Variants in AKR1B15 observed in about 807,000 individuals in gnomAD.
AKR1B15 encodes the protein estradiol 17-beta-dehydrogenase AKR1B15.
A neutral mutation model predicts 38.5 loss-of-function variants in AKR1B15; 49 were observed. The ratio of observed to expected loss-of-function variants is 1.27; its 90% CI spans 1.01 to 1.62. The LOEUF (loss-of-function observed/expected upper bound fraction) is 1.62, where lower values mean the gene tolerates loss of function less well. Among genes scored for constraint, AKR1B15 ranks in the 40% most tolerant of loss-of-function variants. The probability of loss-of-function intolerance (pLI) is 0.00; values close to 1 mark genes in which losing one functional copy is unlikely to be tolerated. For synonymous variants in AKR1B15, 137 were observed against 135.5 expected (o/e 1.01, Z -0.08); for missense variants, 411 against 381.6 (o/e 1.08, Z -0.64).
chr7:134,551,639 C>A (rs1793981237), intron 1 of AKR1B15, among the ~76,000 whole-genome samples: 2 of 152,080 alleles, frequency 1.3e-5, no homozygotes, highest in Non-Finnish European at 2.9e-5. Flanking sequence ...GGGCTGCAGA[C>A]AAAGCATCAA....
rs137990610 is a variant in AKR1B15 at position 134,576,417 on chromosome 7, A to G, written c.812A>G (p.Lys271Arg). The change falls in exon 9 of 12, where the codon AAA becomes AGA. Residue 271 changes from lysine to arginine, a missense_variant. By Grantham distance (26) the Lys-to-Arg change is conservative. Transcript: ENST00000457545. ...KIKEIAAKHK[K>R]TTAQVLIRFH... Reference sequence around the variant, plus strand: ...AAGGAGATTGCTGCAAAGCACAAAAAAACCACAGCCCAGGTACCATATTTT... The same window carrying G: ...AAGGAGATTGCTGCAAAGCACAAAAGAACCACAGCCCAGGTACCATATTTT... 4 of 1,614,136 alleles carry G rather than the reference A, an allele frequency of 2.5e-6. No individual in the cohort carries two copies. The highest frequency in any genetic ancestry group is 2.2e-5 in the East Asian group (1 of 44,846).
chr7:134,575,630 C>A, intron 7 of AKR1B15, 88 bp downstream of exon 7: 1 of 1,587,022 alleles, frequency 6.3e-7, no homozygotes, highest in Non-Finnish European at 8.6e-7. Context: ...TGCCCTGAGT[C>A]TTATCTCAGG....
intron 1 of AKR1B15, among the ~76,000 whole-genome samples, chr7:134,555,534 G>GTTTCCACCTGTTATGTCCTCT (rs1337562961): frequency 3.9e-5 from 6 of 152,178 alleles, no homozygotes; most frequent in Admixed American, 3.9e-4. Flanking sequence ...TCTTCTGTCT[G>GTTTCCACCTGTTATGTCCTCT]TTTCCACCTG....
chr7:134,559,969 G>A (rs1034936187), intron 2 of AKR1B15, among the ~76,000 whole-genome samples: 6 of 152,246 alleles, frequency 3.9e-5, no homozygotes, highest in African/African-American at 1.4e-4. Context: ...TTAGCTGGGT[G>A]TGGTGGTGTG....
intron 3 of AKR1B15, among the ~76,000 whole-genome samples, chr7:134,566,207 G>C (rs1409329253): frequency 2.0e-5 from 3 of 152,160 alleles, no homozygotes. Flanking sequence ...GGTGGAGATT[G>C]AGTGTTGAGC....
chr7:134,554,304 C>A (rs183522792), intron 1 of AKR1B15, among the ~76,000 whole-genome samples: 186 of 152,244 alleles, frequency 1.2e-3, no homozygotes, highest in African/African-American at 4.3e-3. Context: ...TGTGTCCTTT[C>A]CACAACTGAC....
chr7:134,568,120 A>T (rs748545764), intron 3 of AKR1B15, 38 bp from the exon 4 acceptor site: 1 of 1,612,110 alleles, frequency 6.2e-7, no homozygotes, highest in East Asian at 2.2e-5. Flanking sequence ...TCTTAAAAAA[A>T]AAATACATGT....
At chr7:134,568,082 A>T in intron 3 of AKR1B15, 76 bp from the exon 4 acceptor site, 1 of 1,565,142 alleles carries the variant, frequency 6.4e-7, no homozygotes, top group African/African-American at 1.4e-5. Context: ...GTGTGAGGCC[A>T]GCCTGGGCAA....
At chr7:134,578,025 C>G (rs1794803288) in intron 11 of AKR1B15, among the ~76,000 whole-genome samples, 1 of 152,110 alleles carries the variant, frequency 6.6e-6, no homozygotes, top group African/African-American at 2.4e-5. Context: ...GGTGTGTTAT[C>G]AATAGGCAGG....
At chr7:134,561,872 T>C (rs1794404007) in intron 2 of AKR1B15, among the ~76,000 whole-genome samples, 2 of 152,164 alleles carry the variant, frequency 1.3e-5, no homozygotes, top group African/African-American at 4.8e-5. Flanking sequence ...GAACCTGCAA[T>C]TGTAACTTTT....
intron 1 of AKR1B15, among the ~76,000 whole-genome samples, chr7:134,550,302 T>C (rs1793920961): frequency 6.6e-6 from 1 of 152,096 alleles, no homozygotes; most frequent in African/African-American, 2.4e-5. Context: ...CTCATCCCCA[T>C]CCCTTACCCT....
At chr7:134,565,488 C>A (rs777675642) in intron 3 of AKR1B15, 1 of 1,613,558 alleles carries the variant, frequency 6.2e-7, no homozygotes, top group South Asian at 1.1e-5. Context: ...ACCATGGCCA[C>A]GTTTGTGGAG....
chr7:134,552,795 T>C lies in AKR1B15; in HGVS notation c.-147+3546T>C, dbSNP rs79033510. ...ACCTATCTTTGCTTTTGAACAGACA[T>C]ATCCTGGCTCGGTAGACACCACCCA... On this transcript the variant is annotated intron_variant, in intron 1 of 11. Coordinates refer to ENST00000457545, the MANE Select transcript of AKR1B15 (RefSeq NM_001080538.3). Among the ~76,000 whole-genome samples the C allele has an allele frequency of 3.2e-3, 486 of 152,236 alleles. 1 individual carries two copies. The highest frequency in any genetic ancestry group is 0.011 in the African/African-American group (456 of 41,538).
chr7:134,557,041 T>TA (rs1562942809), intron 2 of AKR1B15, among the ~76,000 whole-genome samples, 182 bp downstream of exon 2: 1 of 152,174 alleles, frequency 6.6e-6, no homozygotes, highest in East Asian at 1.9e-4. Flanking sequence ...TCTGGAGTCA[T>TA]AAAAAATACT....
chr7:134,577,316 C>T (rs1445855607), intron 10 of AKR1B15, among the ~76,000 whole-genome samples: 1 of 152,218 alleles, frequency 6.6e-6, no homozygotes, highest in Admixed American at 6.5e-5. Context: ...TCAGTTGCCC[C>T]TGAGCAGCTA....
At chr7:134,566,220 G>C (rs1794530550) in intron 3 of AKR1B15, among the ~76,000 whole-genome samples, 1 of 152,294 alleles carries the variant, frequency 6.6e-6, no homozygotes, top group South Asian at 2.1e-4. Flanking sequence ...TGTTGAGCCT[G>C]AGAGGTCAAG....
chr7:134,565,816 G>T (rs1239493242), intron 3 of AKR1B15, among the ~76,000 whole-genome samples: 3 of 152,168 alleles, frequency 2.0e-5, no homozygotes, highest in Non-Finnish European at 4.4e-5. Context: ...TTCCAGGGCA[G>T]TTTCTCTCTC....
chr7:134,576,850 T>C (rs977737001), intron 9 of AKR1B15, 113 bp from the exon 10 acceptor site: 3 of 976,440 alleles, frequency 3.1e-6, no homozygotes, highest in East Asian at 4.8e-5. Context: ...TCAGTAATTA[T>C]TAGCGATTGT....
chr7:134,554,479 A>T (rs1169728149), intron 1 of AKR1B15, among the ~76,000 whole-genome samples: 1 of 152,148 alleles, frequency 6.6e-6, no homozygotes, highest in East Asian at 1.9e-4. Flanking sequence ...CCACCCATTT[A>T]GGAGGAGTAA....
Sources: allele counts gnomAD v4.1 joint callset (sites outside exome capture counted in the v4.1 genomes callset), GRCh38; gene constraint gnomAD v4.1.1; transcripts MANE v1.5; gene names NCBI Gene and HGNC (gene_info 2026-07-23, HGNC 2026-07-21).